Variants in POLR3A observed in about 807,000 individuals in gnomAD.
The protein encoded by POLR3A is RNA polymerase III subunit A, also known as DNA-directed RNA polymerase III subunit RPC1.
A neutral mutation model predicts 152.8 loss-of-function variants in POLR3A; 112 were observed. The observed-to-expected ratio is 0.73, with a 90% CI of 0.63 to 0.86. POLR3A has a LOEUF of 0.86. POLR3A is among the 40% of genes least tolerant of loss of function. The probability of loss-of-function intolerance (pLI) is 0.00; values close to 1 mark genes in which losing one functional copy is unlikely to be tolerated. For synonymous variants in POLR3A, 615 were observed against 652.1 expected, an observed-to-expected ratio of 0.94 and a Z score of 0.87; for missense variants, 1,385 against 1,743.1, an observed-to-expected ratio of 0.79 and a Z score of 3.66.
intron 17 of POLR3A, among the ~76,000 whole-genome samples, chr10:78,001,612 T>C (rs902688883): frequency 3.9e-5 from 6 of 152,152 alleles, no homozygotes; most frequent in African/African-American, 1.4e-4. Context: ...GAATGCATTA[T>C]CATAAAACCA....
chr10:78,009,922 A>T lies in POLR3A; in HGVS notation c.1712T>A (p.Ile571Lys), dbSNP rs1341436604. ...AATTTTCTCATCCTTGCCAACCAGT[A>T]TTGAAGCAATGATTTGGCAAGCCTT... is the stretch of plus-strand genomic sequence containing the variant. ...RAKACQIIAS[I>K]LVGKDEKIKV... is the part of the protein sequence containing the mutation. Residue 571 changes from isoleucine (I) to lysine (K), a missense_variant, in exon 13 of 31, where the codon ATA becomes AAA. Transcript: ENST00000372371. 1.2e-6 allele frequency: 2 copies of T among 1,614,068 alleles called. No individual in the cohort carries two copies. Among genetic ancestry groups the T allele is most frequent in the Non-Finnish European group, 1.7e-6 (2 of 1,180,038 alleles).
rs544204280 is a variant in POLR3A, at chr10:78,009,679, AG to A, written c.1771-5del. 1,669 of 1,614,014 alleles carry A rather than the reference AG, an allele frequency of 1.0e-3. 24 individuals are homozygous for A. In the East Asian group the frequency reaches 0.023, roughly 22 times the overall value. ...TTCCCGTCCACAGGGTGACAGGCTG[AG>A]GGGGGGAGGAAGCCTGAGAGTCAGT... is the stretch of plus-strand genomic sequence containing the variant. On this transcript the variant is annotated splice_region_variant and splice_polypyrimidine_tract_variant and intron_variant, in intron 13 of 30. Transcript: ENST00000372371.
chr10:78,025,159 A>G lies in POLR3A; in HGVS notation c.319-17T>C, dbSNP rs1378339460. On this transcript the variant is annotated splice_polypyrimidine_tract_variant and intron_variant, in intron 3 of 30. Transcript: ENST00000372371. The stretch of plus-strand genomic sequence containing the variant: ...GCAGATCATCTTTTTCAAATTAAGC[A>G]AGACAGATAAAAGCATAAGTGAGAA... 4 of 1,613,708 alleles carry G rather than the reference A, an allele frequency of 2.5e-6. No individual in the cohort carries two copies. The highest frequency in any genetic ancestry group is 1.3e-5 in the African/African-American group (1 of 75,044).
chr10:77,978,661 T>C (rs7921962), intron 30 of POLR3A, among the ~76,000 whole-genome samples: 1 of 122,620 alleles, frequency 8.2e-6, no homozygotes, highest in Non-Finnish European at 1.6e-5. Flanking sequence ...TTCATGCTAG[T>C]TTTTTTTTTT....
intron 3 of POLR3A, 74 bp from the exon 4 acceptor site, chr10:78,025,216 G>A (rs1350894666): frequency 2.5e-5 from 38 of 1,526,534 alleles, no homozygotes; most frequent in Admixed American, 3.4e-5. Context: ...AAATGCCATC[G>A]CCCTGTTTTG....
chr10:78,026,078 G>A lies in POLR3A; in HGVS notation c.180+16C>T. On this transcript the variant is annotated intron_variant, in intron 2 of 30. Transcript: ENST00000372371. ...AGGGCAAGACACAGTTACCAGGAGGGGTGAGGGGGCCTTACCATCCTATGG... is the reference window on the plus strand; with the variant it reads ...AGGGCAAGACACAGTTACCAGGAGGAGTGAGGGGGCCTTACCATCCTATGG... 1 of 1,613,828 alleles carries A rather than the reference G, an allele frequency of 6.2e-7. No homozygotes were observed. Among genetic ancestry groups the A allele is most frequent in the Non-Finnish European group, 8.5e-7 (1 of 1,179,802 alleles).
intron 19 of POLR3A, 130 bp downstream of exon 19, chr10:77,999,851 A>AT: frequency 2.2e-6 from 2 of 914,834 alleles, no homozygotes; most frequent in Admixed American, 2.3e-5. Context: ...ACCTTTCTAC[A>AT]TTTTTTCCTT....
At chr10:78,014,317 C>A (rs1225155662) in intron 10 of POLR3A, among the ~76,000 whole-genome samples, 5 of 152,194 alleles carry the variant, frequency 3.3e-5, no homozygotes, top group African/African-American at 1.2e-4. Flanking sequence ...TTAAAATAAA[C>A]CAACTAAATA....
At chr10:77,978,660 G>GT (rs1349193901) in intron 30 of POLR3A, among the ~76,000 whole-genome samples, 1,969 of 135,690 alleles carry the variant, frequency 0.015, 35 homozygotes, top group East Asian at 0.036. Context: ...CTTCATGCTA[G>GT]TTTTTTTTTT....
At position 78,000,078 on chromosome 10, in the gene POLR3A, G is replaced by C; in HGVS notation, c.2519C>G (p.Ser840Cys). The change falls in exon 19 of 31, where the codon TCC (serine) becomes TGC (cysteine). Residue 840 changes from serine to cysteine, a missense_variant. Physicochemically the swap from Ser to Cys is moderately radical, Grantham distance 112. This residue lies in a region of POLR3A where 170 missense variants were observed against 231.2 expected (regional missense o/e 0.74). Coordinates refer to ENST00000372371, the MANE Select transcript of POLR3A (RefSeq NM_007055.4). ...GAAAAACTCAGTTGGTGTCAAACCG[G>C]AATAAAAGCTATTAGCCACAAAGCC... ...AKGFVANSFYSGLTPTEFFFH... is the reference protein window; with the variant it reads ...AKGFVANSFYCGLTPTEFFFH... 6.2e-7 allele frequency: 1 copy of C among 1,614,004 alleles called. No individual in the cohort carries two copies. Among genetic ancestry groups the C allele is most frequent in the Non-Finnish European group, 8.5e-7 (1 of 1,179,938 alleles).
Position 77,982,706 on chromosome 10 carries a change from T to C in POLR3A, c.3541A>G (p.Ser1181Gly). The change falls in exon 27 of 31, where the codon AGC (serine) becomes GGC (glycine). Residue 1181 changes from serine (S) to glycine (G), a missense_variant. This residue lies in a region of POLR3A where 332 missense variants were observed against 400.1 expected (regional missense o/e 0.83). Coordinates refer to ENST00000372371, the MANE Select transcript of POLR3A (RefSeq NM_007055.4). ...AGCACGTAGTACATGGAGCTCTTGC[T>C]GTTCTCTCTGGGGGTGACACACACC... Reference protein sequence around the residue: ...AVVCVTPRENSKSSMYYVLQF... With the variant: ...AVVCVTPRENGKSSMYYVLQF... 1 of 1,613,994 alleles carries C rather than the reference T, an allele frequency of 6.2e-7. No individual in the cohort carries two copies. The highest frequency in any genetic ancestry group is 8.5e-7 in the Non-Finnish European group (1 of 1,179,964).
chr10:78,002,414 G>A (rs1188852715), intron 16 of POLR3A, 106 bp from the exon 17 acceptor site: 1 of 809,656 alleles, frequency 1.2e-6, no homozygotes, highest in African/African-American at 1.7e-5. Context: ...GAGGCAAGAT[G>A]CCCGATTTCC....
At chr10:78,029,247 C>T in intron 1 of POLR3A, 117 bp downstream of exon 1, 5 of 1,025,746 alleles carry the variant, frequency 4.9e-6, no homozygotes, top group South Asian at 2.5e-5. Flanking sequence ...CACCTATGGA[C>T]TACTGGCCCT....
chr10:78,022,299 G>C lies in POLR3A; in HGVS notation c.731C>G (p.Ala244Gly). The change falls in exon 6 of 31, where the codon GCC becomes GGC. Residue 244 changes from alanine (A) to glycine (G), a missense_variant. Around this residue, in one of 7 missense-constraint regions of POLR3A, gnomAD observed 493 missense variants for 647.5 expected, o/e 0.76. Coordinates refer to ENST00000372371, the MANE Select transcript of POLR3A (RefSeq NM_007055.4). Reference protein sequence around the residue: ...DVPLLLMNPEAGKPSDLILTR... With the variant: ...DVPLLLMNPEGGKPSDLILTR... ...GAGAATCAAATCAGACGGCTTTCCGGCTTCTGGGTTCATCAGAAGTAGAGG... is the reference window on the plus strand; with the variant it reads ...GAGAATCAAATCAGACGGCTTTCCGCCTTCTGGGTTCATCAGAAGTAGAGG... 6.2e-7 allele frequency: 1 copy of C among 1,614,170 alleles called. No individual in the cohort carries two copies. The highest frequency in any genetic ancestry group is 8.5e-7 in the Non-Finnish European group (1 of 1,180,022).
chr10:77,978,520 G>C (rs2131924044), intron 30 of POLR3A, among the ~76,000 whole-genome samples: 1 of 152,302 alleles, frequency 6.6e-6, no homozygotes, highest in Non-Finnish European at 1.5e-5. Flanking sequence ...GTTTCCAGGT[G>C]TCAGGCTTGA....
chr10:78,009,790 C>A, intron 13 of POLR3A, 74 bp downstream of exon 13: 1 of 1,606,938 alleles, frequency 6.2e-7, no homozygotes, highest in Non-Finnish European at 8.5e-7. Flanking sequence ...CAACACGGTT[C>A]CACTCATTTC....
At chr10:78,010,669 A>G (rs938592456) in intron 11 of POLR3A, 129 bp from the exon 12 acceptor site, 3 of 740,038 alleles carry the variant, frequency 4.1e-6, no homozygotes, top group East Asian at 5.3e-5. Flanking sequence ...CTGAGAAATG[A>G]AAGCCAGGGG....
intron 20 of POLR3A, 65 bp downstream of exon 20, chr10:77,993,132 G>T: frequency 8.2e-7 from 1 of 1,217,594 alleles, no homozygotes. Flanking sequence ...AGTCCAAACA[G>T]TACTTCCGTC....
At chr10:77,994,975 C>G (rs1726515344) in intron 19 of POLR3A, among the ~76,000 whole-genome samples, 1 of 152,184 alleles carries the variant, frequency 6.6e-6, no homozygotes, top group Non-Finnish European at 1.5e-5. Context: ...GGCAGAAACT[C>G]TACAAGCCAG....
Sources: gnomAD v4.1 joint callset for allele counts (sites outside exome capture counted in the v4.1 genomes callset) on GRCh38, gnomAD v4.1.1 for gene constraint, gnomAD v4.1.1 regional missense constraint, MANE v1.5 for transcripts, NCBI Gene and HGNC (gene_info 2026-07-23, HGNC 2026-07-21) for gene names.